Variants in MYH1 observed in about 807,000 individuals in gnomAD.
MYH1 encodes myosin-1.
MYH1 carries 214 observed loss-of-function variants against 225.6 expected under a neutral mutation model. The observed-to-expected ratio is 0.95, with a 90% CI of 0.85 to 1.06. The LOEUF is 1.06. MYH1 is among the 50% of genes least tolerant of loss of function. The pLI, the probability that MYH1 is intolerant of heterozygous loss-of-function variation, is 0.00. For missense variants in MYH1, 2,098 were observed against 2,344.2 expected (o/e 0.89, Z 2.17); for synonymous variants, 774 against 842.3 (o/e 0.92, Z 1.40).
In MYH1 at chr17:10,495,087, A is replaced by C. The variant is rs113685336; in HGVS notation, c.5310T>G (p.Ala1770=). ...TGTCCTGTTCCTTCTTCAGCTCCTC[A>C]GCCATCATGGCAGCCTAATTAGCAG... is the stretch of plus-strand genomic sequence containing the variant. The part of the protein sequence containing the change: ...KKAITDAAMM[A]EELKKEQDTS... Residue 1770 remains alanine (A), a synonymous_variant, in exon 37 of 40, where the codon GCT becomes GCG. Transcript: ENST00000226207. The C allele has an allele frequency of 1.2e-6, 2 of 1,614,182 alleles. No individual in the cohort carries two copies. The highest frequency in any genetic ancestry group is 8.5e-7 in the Non-Finnish European group (1 of 1,180,040).
rs778242598 is a variant in MYH1 at position 10,516,037 on chromosome 17, A to G, written c.394T>C (p.Leu132=). The G allele has an allele frequency of 6.2e-7, 1 of 1,614,146 alleles. No individual in the cohort carries two copies. Among genetic ancestry groups the G allele is most frequent in the Non-Finnish European group, 8.5e-7 (1 of 1,180,012 alleles). ...ACCACCTCTGCATTATACACTGGCAACCACTTGTAGGGGTTGACAGTGACA... is the reference window on the plus strand; with the variant it reads ...ACCACCTCTGCATTATACACTGGCAGCCACTTGTAGGGGTTGACAGTGACA... ...FCVTVNPYKW[L]PVYNAEVVTA... The change falls in exon 5 of 40, where the codon TTG becomes CTG. Residue 132 remains leucine (L), a synonymous_variant. Transcript: ENST00000226207.
intron 14 of MYH1, 33 bp from the exon 15 acceptor site, chr17:10,509,688 A>G: frequency 2.5e-6 from 4 of 1,614,188 alleles, no homozygotes; most frequent in South Asian, 2.2e-5. Context: ...TTAGCATTCA[A>G]TTTATAATGA....
Position 10,516,000 on chromosome 17 carries a change from CG to C in MYH1, c.430del (p.Arg144GlufsTer24). The part of the protein sequence containing the change: ...VYNAEVVTAY[R>X]GKKRQEAPPH... ...TGGGGCCTCCTGGCGCTTTTTGCCTCGGTAGGCTGTCACCACCTCTGCATTA... is the reference window on the plus strand; with the variant it reads ...TGGGGCCTCCTGGCGCTTTTTGCCTCGTAGGCTGTCACCACCTCTGCATTA... On this transcript the variant is annotated frameshift_variant, in exon 5 of 40. Transcript: ENST00000226207. LOFTEE classifies it high-confidence loss of function. 1.9e-6 allele frequency: 3 copies of C among 1,614,104 alleles called. No individual in the cohort carries two copies. Among genetic ancestry groups the C allele is most frequent in the Middle Eastern group, 1.6e-4 (1 of 6,062 alleles).
chr17:10,512,753 A>G lies in MYH1; in HGVS notation c.936T>C (p.Asp312=), dbSNP rs774859864. 3 of 1,614,046 alleles carry G rather than the reference A, an allele frequency of 1.9e-6. No homozygotes were observed. The highest frequency in any genetic ancestry group is 2.5e-6 in the Non-Finnish European group (3 of 1,179,988). Residue 312 remains aspartate, a synonymous_variant, in exon 11 of 40, where the codon GAT becomes GAC. Transcript: ENST00000226207. ...EMLLITTNPY[D]YAFVSQGEIT... ...TCTCCCCTTGACTGACGAAGGCATA[A>G]TCGTATGGGTTGGTGGTGATCAGGA...
At chr17:10,507,216 C>T (rs903316026) in intron 17 of MYH1, among the ~76,000 whole-genome samples, 2 of 151,994 alleles carry the variant, frequency 1.3e-5, no homozygotes. Flanking sequence ...GTGTGCACCA[C>T]CATGCCTGGC....
chr17:10,515,464 ATAT>A, intron 5 of MYH1, among the ~76,000 whole-genome samples: 3 of 152,336 alleles, frequency 2.0e-5, no homozygotes. Flanking sequence ...AGAGGATATT[ATAT>A]CTGAGATGTA....
chr17:10,492,626 T>C, intron 39 of MYH1, 58 bp from the exon 40 acceptor site: 2 of 1,513,196 alleles, frequency 1.3e-6, no homozygotes, highest in Non-Finnish European at 1.8e-6. Flanking sequence ...CATTCTTAGG[T>C]CAGTGGATCT....
Position 10,516,427 on chromosome 17 carries a change from G to A in MYH1, c.204+12C>T. 1.2e-6 allele frequency: 2 copies of A among 1,614,214 alleles called. No homozygotes were observed. The highest frequency in any genetic ancestry group is 1.7e-6 in the Non-Finnish European group (2 of 1,180,044). On this transcript the variant is annotated intron_variant, in intron 3 of 39. Transcript: ENST00000226207. ...AGGCAGAGTCTAATCAGCTCCAGGT[G>A]TTTTTACTCACAGCTCCAGCTTCGG...
At chr17:10,511,732 TA>T (rs1445812785) in intron 14 of MYH1, 106 bp downstream of exon 14, 4 of 1,557,942 alleles carry the variant, frequency 2.6e-6, no homozygotes, top group Non-Finnish European at 3.5e-6. Context: ...AAAGTGCAGC[TA>T]TTTTTCATAG....
chr17:10,511,391 C>G (rs1443914276), intron 14 of MYH1, among the ~76,000 whole-genome samples: 1 of 152,118 alleles, frequency 6.6e-6, no homozygotes, highest in Non-Finnish European at 1.5e-5. Context: ...AAGACTTTGT[C>G]TTCTCCACTG....
chr17:10,508,822 C>G (rs1230655538), intron 15 of MYH1, 150 bp from the exon 16 acceptor site: 14 of 1,242,770 alleles, frequency 1.1e-5, no homozygotes, highest in African/African-American at 3.0e-5. Context: ...AAGTCATTAA[C>G]TTCACAAATA....
chr17:10,500,555 C>G (rs903995274), intron 28 of MYH1, 71 bp downstream of exon 28: 32 of 1,599,422 alleles, frequency 2.0e-5, no homozygotes, highest in Non-Finnish European at 2.6e-5. Context: ...TAAATAAATG[C>G]AGAGTTTTTC....
intron 39 of MYH1, among the ~76,000 whole-genome samples, chr17:10,493,073 G>A (rs532264228): frequency 4.7e-4 from 72 of 152,268 alleles, no homozygotes; most frequent in African/African-American, 1.7e-3. Flanking sequence ...ATATAGCAGA[G>A]AATTTGAGCA....
intron 5 of MYH1, among the ~76,000 whole-genome samples, chr17:10,515,365 A>T (rs528213258): frequency 6.6e-6 from 1 of 152,304 alleles, no homozygotes; most frequent in African/African-American, 2.4e-5. Flanking sequence ...GTAAGAGAGG[A>T]TGCCTCAATC....
chr17:10,497,480 T>A, intron 31 of MYH1, 28 bp from the exon 32 acceptor site: 2 of 1,587,392 alleles, frequency 1.3e-6, no homozygotes, highest in Non-Finnish European at 1.7e-6. Context: ...GACAAGAAAT[T>A]TAGTGGACAA....
In MYH1 at chr17:10,495,088, G is replaced by A. The variant is rs751875888; in HGVS notation, c.5309C>T (p.Ala1770Val). Residue 1770 changes from alanine (A) to valine (V), a missense_variant, in exon 37 of 40, where the codon GCT becomes GTT. By Grantham distance (64) the Ala-to-Val change is moderately conservative. Transcript: ENST00000226207. The part of the protein sequence containing the change: ...KKAITDAAMM[A>V]EELKKEQDTS... ...GTCCTGTTCCTTCTTCAGCTCCTCAGCCATCATGGCAGCCTAATTAGCAGT... is the reference window on the plus strand; with the variant it reads ...GTCCTGTTCCTTCTTCAGCTCCTCAACCATCATGGCAGCCTAATTAGCAGT... 1.2e-6 allele frequency: 2 copies of A among 1,614,130 alleles called. No individual in the cohort carries two copies. Among genetic ancestry groups the A allele is most frequent in the South Asian group, 2.2e-5 (2 of 91,072 alleles).
Position 10,498,838 on chromosome 17 carries a change from T to C in MYH1, c.3985-16A>G, listed in dbSNP as rs768565400. ...CACTCTTGGCCTGAGAACATAGAGA[T>C]TGATGACTTAATTTTATATATTTAA... On this transcript the variant is annotated splice_polypyrimidine_tract_variant and intron_variant, in intron 29 of 39. Coordinates refer to ENST00000226207, the MANE Select transcript of MYH1 (RefSeq NM_005963.4). 1 of 1,613,466 alleles carries C rather than the reference T, an allele frequency of 6.2e-7. No individual in the cohort carries two copies. The highest frequency in any genetic ancestry group is 8.5e-7 in the Non-Finnish European group (1 of 1,179,764).
rs773007159 is a variant in MYH1, at chr17:10,502,832, G to A, written c.3017C>T (p.Ala1006Val). 4 of 1,614,000 alleles carry A rather than the reference G, an allele frequency of 2.5e-6. No homozygotes were observed. Among genetic ancestry groups the A allele is most frequent in the Middle Eastern group, 1.6e-4 (1 of 6,062 alleles). ...CAGGTCATCCAGGGTCTGCTGGTGGGCCTCCTGGAGAGCCTTCTTCTCCTT... is the reference window on the plus strand; with the variant it reads ...CAGGTCATCCAGGGTCTGCTGGTGGACCTCCTGGAGAGCCTTCTTCTCCTT... Reference protein sequence around the residue: ...LTKEKKALQEAHQQTLDDLQA... With the variant: ...LTKEKKALQEVHQQTLDDLQA... Residue 1006 changes from alanine (A) to valine (V), a missense_variant, in exon 24 of 40, where the codon GCC becomes GTC. Transcript: ENST00000226207.
At chr17:10,509,375 A>G (rs2073149222) in intron 15 of MYH1, 110 bp downstream of exon 15, 1 of 1,535,200 alleles carries the variant, frequency 6.5e-7, no homozygotes, top group Admixed American at 1.9e-5. Context: ...AATTCTCCTC[A>G]TGTTTTTCAC....
Sources: gnomAD v4.1 joint callset for allele counts (sites outside exome capture counted in the v4.1 genomes callset) on GRCh38, gnomAD v4.1.1 for gene constraint, MANE v1.5 for transcripts, NCBI Gene and HGNC (gene_info 2026-07-23, HGNC 2026-07-21) for gene names.